The following SYT1 variants were observed in gnomAD, a reference collection of about 807,000 sequenced individuals.
SYT1 encodes synaptotagmin 1, also known as synaptotagmin-1.
Under a neutral mutation model 44.8 loss-of-function variants are expected in SYT1, and 8 were observed. The observed-to-expected ratio is 0.18, with a 90% CI of 0.10 to 0.32. SYT1 has a LOEUF of 0.32. Among genes scored for constraint, SYT1 ranks in the 10% least tolerant of loss-of-function variants. The pLI, the probability that SYT1 is intolerant of heterozygous loss-of-function variation, is 1.00. For synonymous variants in SYT1, 154 were observed against 188.8 expected, an observed-to-expected ratio of 0.82 and a Z score of 1.51; for missense variants, 286 against 509.3, an observed-to-expected ratio of 0.56 and a Z score of 4.22.
intron 5 of SYT1, among the ~76,000 whole-genome samples, chr12:79,291,495 C>G (rs1879579422): frequency 6.6e-6 from 1 of 152,176 alleles, no homozygotes; most frequent in Non-Finnish European, 1.5e-5. Flanking sequence ...ATGTGAAACA[C>G]AGGGAATTTA....
chr12:79,062,821 T>TTTATCGAATGCCTACCG (rs1290054404), intron 3 of SYT1, among the ~76,000 whole-genome samples: 1 of 152,164 alleles, frequency 6.6e-6, no homozygotes, highest in African/African-American at 2.4e-5. Flanking sequence ...ATAACTACCA[T>TTTATCGAATGCCTACCG]TTATCGAATG....
chr12:79,348,513 A>G (rs980498940), intron 8 of SYT1, among the ~76,000 whole-genome samples: 1 of 152,258 alleles, frequency 6.6e-6, no homozygotes, highest in African/African-American at 2.4e-5. Context: ...CAGTGAAACA[A>G]GAGCAAATGG....
intron 8 of SYT1, among the ~76,000 whole-genome samples, chr12:79,349,033 A>AAGAAAGAAAGAAAGAAAGAAAAAGAAAG (rs1367804411): frequency 1.7e-5 from 2 of 120,212 alleles, no homozygotes; most frequent in African/African-American, 6.5e-5. Context: ...GAAAGAAAGA[A>AAGAAAGAAAGAAAGAAAGAAAAAGAAAG]AAAGAAAGAA....
chr12:79,444,355 C>A, intron 10 of SYT1, 149 bp downstream of exon 10: 1 of 1,030,610 alleles, frequency 9.7e-7, no homozygotes, highest in Non-Finnish European at 1.4e-6. Context: ...GCTTGAGCTA[C>A]ATCAGGAAGG....
chr12:79,299,234 C>T, intron 7 of SYT1, 150 bp from the exon 8 acceptor site: 1 of 827,162 alleles, frequency 1.2e-6, no homozygotes, highest in Non-Finnish European at 1.8e-6. Context: ...AGCAGTTTGT[C>T]AAAAGTCTGA....
At chr12:79,190,094 G>A (rs761532110) in intron 3 of SYT1, among the ~76,000 whole-genome samples, 4 of 152,078 alleles carry the variant, frequency 2.6e-5, no homozygotes, top group Non-Finnish European at 5.9e-5. Flanking sequence ...ATTAACTGCA[G>A]CACTACATCC....
chr12:79,067,752 A>C (rs2137883744), intron 3 of SYT1, among the ~76,000 whole-genome samples: 2 of 152,284 alleles, frequency 1.3e-5, no homozygotes, highest in South Asian at 4.1e-4. Context: ...GGATATGGAC[A>C]CAGGTCCTGG....
intron 8 of SYT1, among the ~76,000 whole-genome samples, chr12:79,321,039 T>TTGC (rs1461067316): frequency 6.6e-6 from 1 of 152,206 alleles, no homozygotes; most frequent in Non-Finnish European, 1.5e-5. Context: ...GTGATTCTAG[T>TTGC]TGCTGTTCAG....
intron 3 of SYT1, among the ~76,000 whole-genome samples, chr12:79,153,593 A>T (rs1565829333): frequency 6.6e-6 from 1 of 152,170 alleles, no homozygotes; most frequent in Non-Finnish European, 1.5e-5. Flanking sequence ...ATCCTGCCTT[A>T]TGATAATCAA....
chr12:79,337,028 C>G (rs1882121494), intron 8 of SYT1, among the ~76,000 whole-genome samples: 1 of 152,028 alleles, frequency 6.6e-6, no homozygotes, highest in South Asian at 2.1e-4. Flanking sequence ...GTGTGACTTG[C>G]CTTAGTCTAT....
At chr12:79,215,859 G>A (rs1285237851) in intron 3 of SYT1, among the ~76,000 whole-genome samples, 1 of 143,878 alleles carries the variant, frequency 7.0e-6, no homozygotes, top group African/African-American at 2.6e-5. Context: ...ATTTTCAATT[G>A]TACTTTCACT....
chr12:79,292,252 G>A, intron 6 of SYT1, 122 bp downstream of exon 6: 1 of 1,185,842 alleles, frequency 8.4e-7, no homozygotes, highest in Admixed American at 2.8e-5. Flanking sequence ...AATTATCAAA[G>A]CTATGGATGA....
intron 1 of SYT1, among the ~76,000 whole-genome samples, chr12:78,914,557 ATAGATAGG>A (rs1435239546): frequency 6.6e-6 from 1 of 152,008 alleles, no homozygotes; most frequent in Non-Finnish European, 1.5e-5. Context: ...GCGATAGATG[ATAGATAGG>A]TAGATAGGTA....
chr12:78,894,698 A>G (rs1240551390), intron 1 of SYT1, among the ~76,000 whole-genome samples: 2 of 151,556 alleles, frequency 1.3e-5, no homozygotes, highest in African/African-American at 4.8e-5. Context: ...GATCTCACCA[A>G]TATGTGGAAT....
intron 9 of SYT1, among the ~76,000 whole-genome samples, chr12:79,360,194 AT>A (rs768295071): frequency 0.038 from 5,500 of 146,158 alleles, 112 homozygotes; most frequent in African/African-American, 0.052. Context: ...CCAAGTTAGA[AT>A]TTTTTTTTTT....
rs1337824134 is a variant in SYT1 at position 79,449,996 on chromosome 12, G to GAGA, written c.*875_*877dup. On this transcript the variant is annotated 3_prime_UTR_variant, in exon 11 of 11. Transcript: ENST00000261205. ...GGGATGGGGGAGAAGAAGCTAAGGG[G>GAGA]AGAAGTCAACATTTATGAAATATTG... is the stretch of plus-strand genomic sequence containing the variant. 6.6e-6 allele frequency: 1 copy of GAGA among 151,882 alleles called. No homozygotes were observed. Among genetic ancestry groups the GAGA allele is most frequent in the Non-Finnish European group, 1.5e-5 (1 of 68,080 alleles). The allele number at this position is 151,882 out of a possible 1,614,324, so 9.4% of individuals were successfully genotyped here. A position where few individuals can be genotyped will look rare whatever the true frequency, so the allele number is the denominator to read the frequency against.
At chr12:79,394,172 T>G (rs1884778734) in intron 9 of SYT1, among the ~76,000 whole-genome samples, 1 of 152,208 alleles carries the variant, frequency 6.6e-6, no homozygotes, top group Non-Finnish European at 1.5e-5. Flanking sequence ...ATCAGACAAA[T>G]ACATAAACTC....
At chr12:79,065,482 G>T (rs1161501535) in intron 3 of SYT1, among the ~76,000 whole-genome samples, 14 of 152,014 alleles carry the variant, frequency 9.2e-5, no homozygotes, top group Admixed American at 2.6e-4. Flanking sequence ...CTCAAATCTG[G>T]CCATACATTT....
At chr12:79,295,901 T>C (rs1879852845) in intron 6 of SYT1, among the ~76,000 whole-genome samples, 168 bp from the exon 7 acceptor site, 1 of 152,200 alleles carries the variant, frequency 6.6e-6, no homozygotes, top group African/African-American at 2.4e-5. Context: ...GAAGTCTACA[T>C]AGCTCAGTTC....
Sources: allele counts gnomAD v4.1 joint callset (sites outside exome capture counted in the v4.1 genomes callset), GRCh38; gene constraint gnomAD v4.1.1; transcripts MANE v1.5; gene names NCBI Gene and HGNC (gene_info 2026-07-23, HGNC 2026-07-21).